JAK1: variants seen among roughly 807,000 people sequenced by gnomAD.
JAK1 encodes Janus kinase 1, also known as tyrosine-protein kinase JAK1.
Under a neutral mutation model 136.6 loss-of-function variants are expected in JAK1, and 16 were observed. The observed-to-expected ratio is 0.12, with a 90% CI of 0.08 to 0.18. JAK1 has a LOEUF of 0.18. Among genes scored for constraint, JAK1 ranks in the 10% least tolerant of loss-of-function variants. JAK1 has a pLI of 1.00. For missense variants in JAK1, 859 were observed against 1,450.1 expected, an observed-to-expected ratio of 0.59 and a Z score of 6.62; for synonymous variants, 492 against 519.5, an observed-to-expected ratio of 0.95 and a Z score of 0.72.
intron 1 of JAK1, among the ~76,000 whole-genome samples, chr1:64,935,989 C>T (rs970986910): frequency 1.3e-4 from 20 of 152,324 alleles, no homozygotes; most frequent in Admixed American, 4.6e-4. Context: ...TCCAGGGACA[C>T]ACCCTTGCCC....
rs987876522 is a variant in JAK1, at chr1:65,019,010, C to CA, written c.-78+25469dup. Among the ~76,000 whole-genome samples, 3 of 151,400 alleles carry CA rather than the reference C, an allele frequency of 2.0e-5. No individual in the cohort carries two copies. In the East Asian group the frequency reaches 5.8e-4, roughly 29 times the overall value. On this transcript the variant is annotated intron_variant, in intron 2 of 25. Coordinates refer to the JAK1 transcript ENST00000671954. ...TGGGGGACAGAGTGAGATTCCGTCTCAAAAAAATAAAAATAAAAATAATAC... is the reference window on the plus strand; with the variant it reads ...TGGGGGACAGAGTGAGATTCCGTCTCAAAAAAAATAAAAATAAAAATAATAC...
chr1:64,909,895 T>C (rs1340233310), intron 1 of JAK1, among the ~76,000 whole-genome samples: 1 of 90,930 alleles, frequency 1.1e-5, no homozygotes, highest in Non-Finnish European at 2.2e-5. Flanking sequence ...CACTAAGTGT[T>C]ACCAATCATT....
chr1:65,052,118 ATTTTTTTTTTTT>A (rs71056073), intron 1 of JAK1, among the ~76,000 whole-genome samples: 1 of 93,574 alleles, frequency 1.1e-5, no homozygotes, highest in African/African-American at 4.2e-5. Context: ...ACGCCTGGCT[ATTTTTTTTTTTT>A]TTTTTTTTTT....
chr1:64,837,832 G>T, intron 22 of JAK1, 100 bp downstream of exon 22: 2 of 995,862 alleles, frequency 2.0e-6, no homozygotes, highest in Non-Finnish European at 3.0e-6. Flanking sequence ...CTTGAGTCAG[G>T]CCAGAGGAAT....
intron 1 of JAK1, among the ~76,000 whole-genome samples, chr1:64,927,206 C>T (rs1645597651): frequency 6.6e-6 from 1 of 152,158 alleles, no homozygotes; most frequent in Admixed American, 6.5e-5. Flanking sequence ...GCACGGTCTC[C>T]CGTGTCCCCT....
chr1:64,857,196 C>T (rs1655995461), intron 10 of JAK1, among the ~76,000 whole-genome samples: 1 of 152,142 alleles, frequency 6.6e-6, no homozygotes, highest in Admixed American at 6.5e-5. Flanking sequence ...CTGAAGCTAC[C>T]ATTTGGAAAA....
At chr1:65,033,159 C>G (rs1647037973) in intron 2 of JAK1, among the ~76,000 whole-genome samples, 1 of 151,940 alleles carries the variant, frequency 6.6e-6, no homozygotes, top group Admixed American at 6.6e-5. Flanking sequence ...GAGGAAATAG[C>G]AAAAAGAGGC....
intron 2 of JAK1, among the ~76,000 whole-genome samples, chr1:65,032,330 G>T (rs1226121933): frequency 1.3e-5 from 2 of 152,174 alleles, no homozygotes; most frequent in African/African-American, 2.4e-5. Flanking sequence ...GAGAGTTCCA[G>T]AATGCACAGT....
intron 1 of JAK1, among the ~76,000 whole-genome samples, chr1:65,045,998 A>T (rs2100846160): frequency 6.6e-6 from 1 of 152,354 alleles, no homozygotes; most frequent in African/African-American, 2.4e-5. Context: ...ATGGTTGTTT[A>T]GAAAGTTAAA....
At chr1:64,857,625 T>A in intron 10 of JAK1, 31 bp downstream of exon 10, 2 of 1,613,034 alleles carry the variant, frequency 1.2e-6, no homozygotes, top group South Asian at 2.2e-5. Flanking sequence ...CATGGCTGTA[T>A]GGCCTGGTCC....
intron 2 of JAK1, among the ~76,000 whole-genome samples, chr1:64,975,472 G>T (rs775791212): frequency 6.6e-6 from 1 of 152,154 alleles, no homozygotes; most frequent in Non-Finnish European, 1.5e-5. Context: ...CATGCTCAGG[G>T]AGCAGCCTCT....
chr1:64,943,591 T>C (rs1015743855), intron 1 of JAK1, among the ~76,000 whole-genome samples: 8 of 152,108 alleles, frequency 5.3e-5, no homozygotes, highest in African/African-American at 1.9e-4. Context: ...TCATTTCAAA[T>C]GACAAATATA....
intron 1 of JAK1, among the ~76,000 whole-genome samples, chr1:64,891,659 C>T (rs1281656633): frequency 6.6e-6 from 1 of 152,220 alleles, no homozygotes; most frequent in Non-Finnish European, 1.5e-5. Context: ...TCTATTGCTA[C>T]TGGGACCCCA....
intron 8 of JAK1, among the ~76,000 whole-genome samples, chr1:64,860,479 A>T (rs950797373): frequency 6.7e-6 from 1 of 148,930 alleles, no homozygotes; most frequent in Non-Finnish European, 1.5e-5. Context: ...TTTGAGATGG[A>T]GTTTCACTCT....
At chr1:65,052,572 G>A (rs1389483403) in intron 1 of JAK1, among the ~76,000 whole-genome samples, 1 of 152,064 alleles carries the variant, frequency 6.6e-6, no homozygotes, top group African/African-American at 2.4e-5. Context: ...CAGCACCTTT[G>A]GGAGGCCGAG....
At chr1:64,928,912 C>T (rs1344389761) in intron 1 of JAK1, among the ~76,000 whole-genome samples, 1 of 151,394 alleles carries the variant, frequency 6.6e-6, no homozygotes, top group Non-Finnish European at 1.5e-5. Context: ...GAAATTTTAG[C>T]ACACTGATGA....
rs1165695740 is a variant in JAK1, at chr1:64,966,325, ACACT to A, written c.-78+4_-78+7del. 6.6e-6 allele frequency: 1 copy of A among 151,560 alleles called. No individual in the cohort carries two copies. Among genetic ancestry groups the A allele is most frequent in the East Asian group, 2.0e-4 (1 of 5,096 alleles). The allele number at this position is 151,560 out of a possible 1,614,324, so 9.4% of individuals were successfully genotyped here. A position where few individuals can be genotyped will look rare whatever the true frequency, so the allele number is the denominator to read the frequency against. On this transcript the variant is annotated splice_donor_5th_base_variant and intron_variant, in intron 1 of 24. Coordinates refer to ENST00000342505, the MANE Select transcript of JAK1 (RefSeq NM_002227.4). The stretch of plus-strand genomic sequence containing the variant: ...CCCGGCTCCTCCACCTCCCCCGGTG[ACACT>A]CACCACTTCCGTGTGCGCCTGGGCC...
At chr1:64,850,936 A>G (rs1346645486) in intron 11 of JAK1, 26 bp from the exon 12 acceptor site, 1 of 1,490,362 alleles carries the variant, frequency 6.7e-7, no homozygotes, top group Non-Finnish European at 9.4e-7. Context: ...GGGGAGTCTG[A>G]GCACAGCACC....
chr1:65,006,881 G>A (rs1432147351), intron 2 of JAK1, among the ~76,000 whole-genome samples: 2 of 152,090 alleles, frequency 1.3e-5, no homozygotes, highest in African/African-American at 2.4e-5. Flanking sequence ...TTTGTCATCT[G>A]CCTTAAAAAG....
Sources: gnomAD v4.1 joint callset for allele counts (sites outside exome capture counted in the v4.1 genomes callset) on GRCh38, gnomAD v4.1.1 for gene constraint, MANE v1.5 for transcripts, NCBI Gene and HGNC (gene_info 2026-07-23, HGNC 2026-07-21) for gene names.